The following INPP4B variants were observed in gnomAD, a reference collection of about 807,000 sequenced individuals.
INPP4B encodes inositol polyphosphate 4-phosphatase type II.
A neutral mutation model predicts 122.5 loss-of-function variants in INPP4B; 55 were observed. The observed-to-expected ratio is 0.45, with a 90% confidence interval of 0.36 to 0.56. The LOEUF (loss-of-function observed/expected upper bound fraction) is 0.56. Among genes scored for constraint, INPP4B ranks in the 20% least tolerant of loss-of-function variants. INPP4B has a pLI of 0.00. For synonymous variants in INPP4B, 403 were observed against 388.7 expected (o/e 1.04, Z -0.43); for missense variants, 1,000 against 1,097.7 (o/e 0.91, Z 1.26).
intron 2 of INPP4B, among the ~76,000 whole-genome samples, chr4:142,632,947 A>G (rs939372905): frequency 6.6e-6 from 1 of 151,838 alleles, no homozygotes; most frequent in Non-Finnish European, 1.5e-5. Flanking sequence ...TAATAAACAT[A>G]AACAGGTTGG....
intron 7 of INPP4B, among the ~76,000 whole-genome samples, chr4:142,338,967 C>A (rs904213869): frequency 1.4e-4 from 21 of 151,840 alleles, no homozygotes; most frequent in African/African-American, 4.4e-4. Context: ...GAGGGGAGAA[C>A]GGAGGGTCCA....
chr4:142,255,134 C>T (rs1735033953), intron 11 of INPP4B, among the ~76,000 whole-genome samples: 2 of 151,678 alleles, frequency 1.3e-5, no homozygotes. Context: ...AAATAAAATA[C>T]TTTACAGACA....
intron 2 of INPP4B, among the ~76,000 whole-genome samples, chr4:142,634,054 A>G (rs1031002612): frequency 6.6e-5 from 10 of 150,940 alleles, no homozygotes; most frequent in Non-Finnish European, 1.5e-4. Flanking sequence ...TGGGGGGAAA[A>G]GGCAGGGGGC....
At chr4:142,498,395 A>ACC (rs1822929357) in intron 2 of INPP4B, among the ~76,000 whole-genome samples, 1 of 152,036 alleles carries the variant, frequency 6.6e-6, no homozygotes, top group Non-Finnish European at 1.5e-5. Flanking sequence ...ATAAACTGAG[A>ACC]TAATTAGAGC....
chr4:142,252,114 T>C (rs1013436852), intron 11 of INPP4B, among the ~76,000 whole-genome samples: 30 of 151,990 alleles, frequency 2.0e-4, no homozygotes, highest in African/African-American at 6.0e-4. Flanking sequence ...ACCTTCCTCA[T>C]AGCACATGTC....
chr4:142,176,234 C>T (rs926313283), intron 15 of INPP4B, among the ~76,000 whole-genome samples: 7 of 150,816 alleles, frequency 4.6e-5, no homozygotes, highest in African/African-American at 1.5e-4. Context: ...GTGTGCTGCA[C>T]CCATTAAGTC....
At chr4:142,330,489 T>C (rs960909725) in intron 7 of INPP4B, among the ~76,000 whole-genome samples, 2 of 152,200 alleles carry the variant, frequency 1.3e-5, no homozygotes, top group Non-Finnish European at 2.9e-5. Context: ...CAAAGTAAAC[T>C]GCCTGTCAGA....
chr4:142,285,833 G>A (rs562207353), intron 9 of INPP4B, among the ~76,000 whole-genome samples: 8 of 152,252 alleles, frequency 5.3e-5, no homozygotes, highest in Non-Finnish European at 1.2e-4. Flanking sequence ...TAACACTTAT[G>A]ACGACAATAA....
chr4:142,367,185 AAT>A (rs761233471), intron 7 of INPP4B, among the ~76,000 whole-genome samples: 2,238 of 55,284 alleles, frequency 0.04, 54 homozygotes, highest in African/African-American at 0.12. Flanking sequence ...GTATACATGT[AAT>A]ATGTGTGTGT....
chr4:142,385,597 A>C (rs1032621741), intron 7 of INPP4B, among the ~76,000 whole-genome samples: 1 of 152,180 alleles, frequency 6.6e-6, no homozygotes, highest in Non-Finnish European at 1.5e-5. Flanking sequence ...TTTAAGCTAC[A>C]TTAAGCAATT....
intron 21 of INPP4B, among the ~76,000 whole-genome samples, chr4:142,115,609 A>G (rs2667107): frequency 0.98 from 149,930 of 152,232 alleles, 73,879 homozygotes; most frequent in Middle Eastern, 1. Flanking sequence ...ACAAGCAAAT[A>G]CTGAGAGATT....
At chr4:142,152,066 CTTTTTTTTTTTTTTTTT>C (rs572092121) in intron 17 of INPP4B, among the ~76,000 whole-genome samples, 31 of 69,954 alleles carry the variant, frequency 4.4e-4, no homozygotes, top group Admixed American at 1.5e-3. Context: ...TTTGTCTTTT[CTTTTTTTTTTTTTTTTT>C]TTTTTTTTTT....
intron 2 of INPP4B, among the ~76,000 whole-genome samples, chr4:142,653,082 C>T (rs1193317267): frequency 6.6e-6 from 1 of 152,144 alleles, no homozygotes; most frequent in African/African-American, 2.4e-5. Context: ...CATCTACAAC[C>T]ATCTGATCTT....
intron 1 of INPP4B, among the ~76,000 whole-genome samples, chr4:142,745,248 AG>A (rs1204758933): frequency 1.3e-5 from 2 of 151,934 alleles, no homozygotes; most frequent in African/African-American, 2.4e-5. Context: ...ATAGAAAAAG[AG>A]CAAAAACAAA....
intron 1 of INPP4B, among the ~76,000 whole-genome samples, chr4:142,813,502 G>A (rs75783216): frequency 0.013 from 1,934 of 152,084 alleles, 18 homozygotes; most frequent in Non-Finnish European, 0.018. Flanking sequence ...CTTGTCTTTC[G>A]TTTGTCCTTG....
chr4:142,432,457 A>T (rs1038379951), intron 3 of INPP4B, among the ~76,000 whole-genome samples: 2 of 152,126 alleles, frequency 1.3e-5, no homozygotes, highest in African/African-American at 2.4e-5. Flanking sequence ...ATAAATACAT[A>T]TTGGCTTCTA....
intron 25 of INPP4B, among the ~76,000 whole-genome samples, chr4:142,044,097 A>T (rs79308607): frequency 6.6e-6 from 1 of 152,108 alleles, no homozygotes; most frequent in East Asian, 1.9e-4. Context: ...GAAAAAATTT[A>T]AAAAGTTATT....
At chr4:142,126,338 G>A (rs1340127647) in intron 18 of INPP4B, among the ~76,000 whole-genome samples, 12 of 152,072 alleles carry the variant, frequency 7.9e-5, no homozygotes, top group Non-Finnish European at 1.8e-4. Flanking sequence ...GACCTTGAAA[G>A]AGTGACAGAG....
chr4:142,535,162 T>C (rs1225110299), intron 2 of INPP4B, among the ~76,000 whole-genome samples: 1 of 152,194 alleles, frequency 6.6e-6, no homozygotes, highest in Non-Finnish European at 1.5e-5. Context: ...AGTCAGTTGA[T>C]GATTCAACAA....
Sources: gnomAD v4.1 joint callset for allele counts (sites outside exome capture counted in the v4.1 genomes callset) on GRCh38, gnomAD v4.1.1 for gene constraint, MANE v1.5 for transcripts, NCBI Gene and HGNC (gene_info 2026-07-23, HGNC 2026-07-21) for gene names.